Variants in ZBBX observed in about 807,000 individuals in gnomAD.
ZBBX encodes the protein zinc finger B-box domain-containing protein 1.
In ZBBX, 101 loss-of-function variants were observed where a neutral mutation model predicts 108.5. The observed-to-expected ratio is 0.93, with a 90% confidence interval of 0.79 to 1.10. The LOEUF is 1.10. Among genes scored for constraint, ZBBX ranks in the 50% least tolerant of loss-of-function variants. ZBBX has a pLI of 0.00. For synonymous variants in ZBBX, 356 were observed against 323.4 expected (o/e 1.10, Z -1.08); for missense variants, 1,009 against 941.4 (o/e 1.07, Z -0.94).
At chr3:167,282,602 A>T in intron 19 of ZBBX, 107 bp from the exon 20 acceptor site, 1 of 945,574 alleles carries the variant, frequency 1.1e-6, no homozygotes, top group Non-Finnish European at 1.6e-6. Flanking sequence ...AAGTTCATGT[A>T]ACAGAGTTTA....
chr3:167,216,994 T>C, the ZBBX span, among the ~76,000 whole-genome samples: 3 of 152,172 alleles, frequency 2.0e-5, no homozygotes, highest in Non-Finnish European at 4.4e-5. Context: ...AAGACTTAAA[T>C]GTAAAATCAA....
intron 20 of ZBBX, among the ~76,000 whole-genome samples, chr3:167,264,012 A>G (rs1725041722): frequency 6.6e-6 from 1 of 152,214 alleles, no homozygotes; most frequent in African/African-American, 2.4e-5. Flanking sequence ...ATTGTGTCTG[A>G]TAAAGTATAG....
chr3:167,348,567 C>CTA (rs565930685), intron 9 of ZBBX, among the ~76,000 whole-genome samples: 1 of 151,790 alleles, frequency 6.6e-6, no homozygotes, highest in South Asian at 2.1e-4. Context: ...AAATGTGTAT[C>CTA]TATATATATG....
At chr3:167,178,713 T>C in the ZBBX span, among the ~76,000 whole-genome samples, 1 of 152,184 alleles carries the variant, frequency 6.6e-6, no homozygotes, top group Non-Finnish European at 1.5e-5. Flanking sequence ...TCCCAACTTT[T>C]TGTTATCGGA....
Position 167,368,448 on chromosome 3 carries a change from G to C in ZBBX, c.182+13C>G. On this transcript the variant is annotated intron_variant, in intron 5 of 21. Transcript: ENST00000675490. ...AGTTGATTCATCTAAAATTCTCTAA[G>C]AGTTTCACTCACTCTCTATCTTCCT... The C allele has an allele frequency of 6.4e-7, 1 of 1,574,346 alleles. No homozygotes were observed. Among genetic ancestry groups the C allele is most frequent in the Non-Finnish European group, 8.7e-7 (1 of 1,145,118 alleles).
At chr3:167,384,077 C>T (rs1253898263), upstream of ZBBX, among the ~76,000 whole-genome samples, 1 of 152,074 alleles carries the variant, frequency 6.6e-6, no homozygotes, top group Non-Finnish European at 1.5e-5. Context: ...TTTCTTCTCT[C>T]CTCTTAATAC....
intron 6 of ZBBX, among the ~76,000 whole-genome samples, chr3:167,365,266 A>T (rs887810083): frequency 6.6e-6 from 1 of 151,878 alleles, no homozygotes; most frequent in African/African-American, 2.4e-5. Flanking sequence ...GTGTAAGCTA[A>T]TACTTACAAA....
At chr3:167,246,608 G>A (rs1721611047) in intron 20 of ZBBX, among the ~76,000 whole-genome samples, 1 of 152,190 alleles carries the variant, frequency 6.6e-6, no homozygotes, top group Non-Finnish European at 1.5e-5. Context: ...AGACCATGAA[G>A]ATTCTTAAAC....
intron 17 of ZBBX, among the ~76,000 whole-genome samples, chr3:167,304,577 A>G (rs918547199): frequency 6.6e-6 from 1 of 152,196 alleles, no homozygotes; most frequent in Admixed American, 6.5e-5. Context: ...GCACGGATTA[A>G]CAATAATGTT....
intron 4 of ZBBX, 143 bp downstream of exon 4, chr3:167,372,691 T>A: frequency 2.0e-6 from 1 of 500,614 alleles, no homozygotes; most frequent in Non-Finnish European, 3.5e-6. Flanking sequence ...ATTATAGATT[T>A]ATAGTATTTC....
At chr3:167,286,107 C>G (rs73879654) in intron 19 of ZBBX, among the ~76,000 whole-genome samples, 1 of 151,906 alleles carries the variant, frequency 6.6e-6, no homozygotes, top group African/African-American at 2.4e-5. Flanking sequence ...TGGACTGAAG[C>G]TGAATAATGG....
intron 8 of ZBBX, among the ~76,000 whole-genome samples, chr3:167,357,520 A>T (rs1416177725): frequency 6.6e-6 from 1 of 152,058 alleles, no homozygotes; most frequent in Admixed American, 6.6e-5. Context: ...ACCCAAAAGA[A>T]CTGAAAGCAG....
At chr3:167,383,589 A>T (rs762054361), upstream of ZBBX, among the ~76,000 whole-genome samples, 1 of 152,106 alleles carries the variant, frequency 6.6e-6, no homozygotes, top group South Asian at 2.1e-4. Context: ...TCCATGACAC[A>T]GAATTTCTAA....
At chr3:167,365,719 T>C (rs1032299037) in intron 6 of ZBBX, among the ~76,000 whole-genome samples, 167 bp downstream of exon 6, 3 of 151,708 alleles carry the variant, frequency 2.0e-5, no homozygotes, top group Admixed American at 6.6e-5. Context: ...CATAATTGAA[T>C]AATGAAAGTT....
At chr3:167,259,635 C>T (rs949382386) in intron 20 of ZBBX, among the ~76,000 whole-genome samples, 4 of 152,086 alleles carry the variant, frequency 2.6e-5, no homozygotes. Context: ...CCTCTTAGCA[C>T]CACCTTTGCC....
chr3:167,306,041 A>C (rs1381016164), intron 16 of ZBBX, 91 bp from the exon 17 acceptor site: 2 of 1,101,488 alleles, frequency 1.8e-6, no homozygotes, highest in Non-Finnish European at 2.5e-6. Context: ...TGGTAAAAAA[A>C]CTTTCTCAAT....
chr3:167,380,419 G>A (rs973113357), upstream of ZBBX: 1 of 152,244 alleles, frequency 6.6e-6, no homozygotes, highest in African/African-American at 2.4e-5. Flanking sequence ...CGAAATGAGA[G>A]AGAATGGTGA....
intron 20 of ZBBX, 27 bp from the exon 21 acceptor site, chr3:167,242,670 CA>C: frequency 1.9e-6 from 3 of 1,598,096 alleles, no homozygotes; most frequent in African/African-American, 1.3e-5. Flanking sequence ...CATGCATTGT[CA>C]AAACATAAAT....
chr3:167,311,606 A>G (rs775786822), intron 16 of ZBBX, among the ~76,000 whole-genome samples: 9 of 152,188 alleles, frequency 5.9e-5, no homozygotes, highest in Admixed American at 2.6e-4. Context: ...TAAACAACCC[A>G]ATCAAAACAT....
Sources: gnomAD v4.1 joint callset for allele counts (sites outside exome capture counted in the v4.1 genomes callset) on GRCh38, gnomAD v4.1.1 for gene constraint, MANE v1.5 for transcripts, NCBI Gene and HGNC (gene_info 2026-07-23, HGNC 2026-07-21) for gene names.